The following FBN1 variants were observed in gnomAD, a reference collection of about 807,000 sequenced individuals.
FBN1 encodes the protein fibrillin 1.
Under a neutral mutation model 365.1 loss-of-function variants are expected in FBN1, and 29 were observed. That is an observed-to-expected ratio of 0.08 (90% confidence interval 0.06 to 0.11). The LOEUF (loss-of-function observed/expected upper bound fraction) is 0.11, where lower values mean the gene tolerates loss of function less well. FBN1 is among the 10% of genes least tolerant of loss of function. The probability of loss-of-function intolerance (pLI) is 1.00; values close to 1 mark genes in which losing one functional copy is unlikely to be tolerated. For missense variants in FBN1, 2,476 were observed against 3,703.2 expected, an observed-to-expected ratio of 0.67 and a Z score of 8.60; for synonymous variants, 1,210 against 1,270.5, an observed-to-expected ratio of 0.95 and a Z score of 1.01.
intron 12 of FBN1, 87 bp downstream of exon 12, chr15:48,515,300 G>C: frequency 2.7e-6 from 4 of 1,501,114 alleles, no homozygotes; most frequent in Non-Finnish European, 2.8e-6. Flanking sequence ...TTTGGGGTAA[G>C]TTGTTACAGC....
At chr15:48,529,551 C>T (rs1014677717) in intron 8 of FBN1, 3 of 152,200 alleles carry the variant, frequency 2.0e-5, no homozygotes, top group African/African-American at 7.2e-5. Flanking sequence ...GAAGCTCCAT[C>T]CAAGATTGTG....
intron 4 of FBN1, among the ~76,000 whole-genome samples, chr15:48,601,433 T>G (rs527553517): frequency 6.6e-5 from 10 of 152,322 alleles, no homozygotes; most frequent in African/African-American, 2.4e-4. Context: ...GTTTGGCTTA[T>G]TCTGTCTGGT....
At position 48,495,586 on chromosome 15, in the gene FBN1, T is replaced by C. The variant is rs1200915579; in HGVS notation, c.2422A>G (p.Ile808Val). 2 of 1,614,110 alleles carry C rather than the reference T, an allele frequency of 1.2e-6. No individual in the cohort carries two copies. The highest frequency in any genetic ancestry group is 1.7e-6 in the Non-Finnish European group (2 of 1,180,008). Reference sequence around the variant, plus strand: ...CAAGGACTTGATTCGCATTCATCAATGTCTGAAACAAAAACAGGTCTACAT... The same window carrying C: ...CAAGGACTTGATTCGCATTCATCAACGTCTGAAACAAAAACAGGTCTACAT... ...YKPDLKTCED[I>V]DECESSPCIN... The change falls in exon 21 of 66, where the codon ATT (isoleucine) becomes GTT (valine). Residue 808 changes from isoleucine (I) to valine (V), a missense_variant and splice_region_variant. Physicochemically the swap from Ile to Val is conservative, Grantham distance 29 (BLOSUM62 3). Transcript: ENST00000316623.
intron 46 of FBN1, among the ~76,000 whole-genome samples, 183 bp downstream of exon 46, chr15:48,448,585 G>C (rs1354000522): frequency 6.6e-6 from 1 of 152,052 alleles, no homozygotes; most frequent in African/African-American, 2.4e-5. Flanking sequence ...CAAAGGAAGA[G>C]GTTTATCATG....
intron 6 of FBN1, among the ~76,000 whole-genome samples, chr15:48,592,706 A>C (rs1210416483): frequency 6.6e-6 from 1 of 152,236 alleles, no homozygotes; most frequent in Non-Finnish European, 1.5e-5. Context: ...AAAAAAATAA[A>C]GACACAATCT....
intron 7 of FBN1, among the ~76,000 whole-genome samples, chr15:48,537,198 G>C (rs1285494209): frequency 6.6e-6 from 1 of 152,094 alleles, no homozygotes; most frequent in East Asian, 1.9e-4. Context: ...ATTTTCTTCA[G>C]GTCAATTAAG....
At chr15:48,524,859 C>G (rs1359359072) in intron 9 of FBN1, among the ~76,000 whole-genome samples, 2 of 152,156 alleles carry the variant, frequency 1.3e-5, no homozygotes, top group Admixed American at 1.3e-4. Context: ...TCTTAGTTCC[C>G]TTCCATTCCT....
intron 36 of FBN1, among the ~76,000 whole-genome samples, chr15:48,468,859 G>A (rs1349436341): frequency 1.3e-5 from 2 of 150,914 alleles, no homozygotes; most frequent in Non-Finnish European, 3.0e-5. Context: ...ACGAGGTCAG[G>A]AGATCGAGAC....
intron 36 of FBN1, among the ~76,000 whole-genome samples, chr15:48,469,122 T>TAAAATATAATATATATTACATATATATAA (rs1566904965): frequency 6.9e-6 from 1 of 145,072 alleles, no homozygotes; most frequent in Admixed American, 6.9e-5. Flanking sequence ...CATATATATA[T>TAAAATATAATATATATTACATATATATAA]AAAATATAAT....
At chr15:48,536,466 T>C (rs529459734) in intron 7 of FBN1, among the ~76,000 whole-genome samples, 90 of 152,336 alleles carry the variant, frequency 5.9e-4, no homozygotes, top group African/African-American at 2.2e-3. Flanking sequence ...TAGCTAACTT[T>C]GTAATCCCAA....
chr15:48,618,886 T>G (rs533788309), intron 2 of FBN1, among the ~76,000 whole-genome samples: 1 of 152,188 alleles, frequency 6.6e-6, no homozygotes, highest in Non-Finnish European at 1.5e-5. Context: ...ATCTAATGAC[T>G]GATGATCTGT....
Position 48,537,756 on chromosome 15 carries a change from T to A in FBN1, c.591A>T (p.Gly197=), listed in dbSNP as rs1231474968. 6.2e-7 allele frequency: 1 copy of A among 1,614,188 alleles called. No individual in the cohort carries two copies. The highest frequency in any genetic ancestry group is 1.7e-5 in the Admixed American group (1 of 60,026). Residue 197 remains glycine (G), a synonymous_variant, in exon 7 of 66, where the codon GGA becomes GGT. Transcript: ENST00000316623. ...TTGTGCAGACAATCCCGCTGAGTTGTCCCTGGCACATCTGGTTGCTGATCA... is the reference window on the plus strand; with the variant it reads ...TTGTGCAGACAATCCCGCTGAGTTGACCCTGGCACATCTGGTTGCTGATCA... ...FTVISNQMCQ[G]QLSGIVCTKT... is the part of the protein sequence containing the mutation.
chr15:48,603,728 T>C (rs1254382423), intron 4 of FBN1, among the ~76,000 whole-genome samples: 1 of 152,188 alleles, frequency 6.6e-6, no homozygotes, highest in Non-Finnish European at 1.5e-5. Context: ...AGTCAGAAGA[T>C]ATTCCTAAAC....
intron 7 of FBN1, among the ~76,000 whole-genome samples, chr15:48,534,976 G>T (rs559588298): frequency 1.3e-5 from 2 of 152,242 alleles, no homozygotes; most frequent in South Asian, 4.2e-4. Context: ...TGACTTCTCT[G>T]ATCTTTTACC....
intron 23 of FBN1, 46 bp from the exon 24 acceptor site, chr15:48,492,632 C>T: frequency 7.4e-7 from 1 of 1,345,600 alleles, no homozygotes; most frequent in Non-Finnish European, 1.0e-6. Context: ...TTTATAATAT[C>T]ATTCTACCTT....
chr15:48,420,833 T>C (rs768855504), intron 62 of FBN1, 27 bp from the exon 63 acceptor site: 4 of 1,612,570 alleles, frequency 2.5e-6, no homozygotes, highest in Non-Finnish European at 3.4e-6. Flanking sequence ...GCCACCATGA[T>C]GCCAACTCAA....
chr15:48,568,049 GAAGA>G lies in FBN1; in HGVS notation c.538+28230_538+28233del, dbSNP rs1555403283. On this transcript the variant is annotated intron_variant, in intron 6 of 65. Coordinates refer to ENST00000316623, the MANE Select transcript of FBN1 (RefSeq NM_000138.5). ...AGAAAGAAAGAAAGAAAGAAAGAAA[GAAGA>G]AAGAAAGAAAGAAAGAAAGAAAGAA... 7.0e-3 allele frequency among the ~76,000 whole-genome samples: 279 copies of G among 40,090 alleles called. 6 individuals carry two copies. The highest frequency in any genetic ancestry group is 0.017 in the East Asian group (24 of 1,440). The allele number at this position is 40,090 out of a possible 152,430, so 26.3% of individuals were successfully genotyped here.
chr15:48,432,970 T>G lies in FBN1; in HGVS notation c.6635A>C (p.Gln2212Pro). The G allele has an allele frequency of 1.2e-6, 2 of 1,613,610 alleles. No homozygotes were observed. Among genetic ancestry groups the G allele is most frequent in the African/African-American group, 2.7e-5 (2 of 74,996 alleles). The change falls in exon 55 of 66, where the codon CAG (glutamine) becomes CCG (proline). Residue 2212 changes from glutamine (Q) to proline (P), a missense_variant. Physicochemically the swap from Gln to Pro is moderately conservative, Grantham distance 76. This residue lies in a region of FBN1 where 1,780 missense variants were observed against 2,840.8 expected (regional missense o/e 0.63). Transcript: ENST00000316623. ...MTCEDINECA[Q>P]NPLLCAFRCV... ...TCGGAAGGCACAGAGCAGAGGATTC[T>G]GGGCACATTCATTTATATCTGCAGC... is the stretch of plus-strand genomic sequence containing the variant.
chr15:48,526,252 A>G lies in FBN1; in HGVS notation c.866T>C (p.Ile289Thr), dbSNP rs2043913529. ...TCCAGGAATGGTGCTGCATTCATCA[A>G]TATCTGGAATATAAAAAAAAGAATC... ...LNEVSQKCED[I>T]DECSTIPGIC... The change falls in exon 9 of 66, where the codon ATT (isoleucine) becomes ACT (threonine). Residue 289 changes from isoleucine to threonine, a missense_variant. By Grantham distance (89) the Ile-to-Thr change is moderately conservative. Coordinates refer to ENST00000316623, the MANE Select transcript of FBN1 (RefSeq NM_000138.5). 1.2e-6 allele frequency: 2 copies of G among 1,614,022 alleles called. No homozygotes were observed. Among genetic ancestry groups the G allele is most frequent in the Non-Finnish European group, 1.7e-6 (2 of 1,179,936 alleles).
Sources: gnomAD v4.1 joint callset for allele counts (sites outside exome capture counted in the v4.1 genomes callset) on GRCh38, gnomAD v4.1.1 for gene constraint, gnomAD v4.1.1 regional missense constraint, MANE v1.5 for transcripts, NCBI Gene and HGNC (gene_info 2026-07-23, HGNC 2026-07-21) for gene names.